Variants in PCDH15 observed in about 807,000 individuals in gnomAD.
PCDH15 encodes protocadherin related 15.
In PCDH15, 129 loss-of-function variants were observed where a neutral mutation model predicts 178.5. The observed-to-expected ratio is 0.72, with a 90% confidence interval of 0.63 to 0.84. The LOEUF (loss-of-function observed/expected upper bound fraction) is 0.84. Ranked by LOEUF, PCDH15 falls within the 40% of genes least tolerant of loss-of-function variation. The probability of loss-of-function intolerance (pLI) is 0.00; values close to 1 mark genes in which losing one functional copy is unlikely to be tolerated. For missense variants in PCDH15, 2,230 were observed against 2,099.9 expected, an observed-to-expected ratio of 1.06 and a Z score of -1.21; for synonymous variants, 800 against 732.0, an observed-to-expected ratio of 1.09 and a Z score of -1.50.
chr10:54,011,263 T>A (rs552600146), intron 20 of PCDH15, among the ~76,000 whole-genome samples: 1 of 152,240 alleles, frequency 6.6e-6, no homozygotes, highest in East Asian at 1.9e-4. Flanking sequence ...AGACCCTGAG[T>A]GCTTTAGCCA....
At chr10:54,700,712 G>A (rs2095298281) in intron 1 of PCDH15, among the ~76,000 whole-genome samples, 2 of 152,082 alleles carry the variant, frequency 1.3e-5, no homozygotes, top group South Asian at 2.1e-4. Flanking sequence ...ATGGGATTAT[G>A]TAAAAAGACC....
At chr10:54,773,275 T>G (rs185660537) in intron 1 of PCDH15, among the ~76,000 whole-genome samples, 274 of 152,260 alleles carry the variant, frequency 1.8e-3, no homozygotes, top group African/African-American at 6.2e-3. Flanking sequence ...TTTTTTTTCT[T>G]AGAGGGAGAA....
chr10:55,147,952 T>C (rs376153281), intron 2 of PCDH15, among the ~76,000 whole-genome samples: 1 of 151,866 alleles, frequency 6.6e-6, no homozygotes, highest in East Asian at 1.9e-4. Context: ...TCAGTAGTAA[T>C]TACTGCTTTC....
At chr10:54,655,292 G>C (rs200463442) in intron 2 of PCDH15, among the ~76,000 whole-genome samples, 179 of 121,126 alleles carry the variant, frequency 1.5e-3, no homozygotes, top group African/African-American at 2.5e-3. Context: ...GAGAGAGAGA[G>C]AGAGAGAGAG....
chr10:54,141,190 G>T (rs1054077431), intron 14 of PCDH15, among the ~76,000 whole-genome samples: 1 of 151,690 alleles, frequency 6.6e-6, no homozygotes, highest in African/African-American at 2.4e-5. Context: ...TAGTCATTTT[G>T]TTTTCTATGT....
At chr10:53,840,738 G>C (rs947183521) in intron 28 of PCDH15, among the ~76,000 whole-genome samples, 3 of 152,096 alleles carry the variant, frequency 2.0e-5, no homozygotes, top group Non-Finnish European at 2.9e-5. Flanking sequence ...TTTAACTTTA[G>C]GCTTTTTGAA....
At chr10:53,894,853 A>G (rs2610823) in intron 26 of PCDH15, among the ~76,000 whole-genome samples, 103,988 of 152,058 alleles carry the variant, frequency 0.68, 35,964 homozygotes, top group East Asian at 0.87. Context: ...AAAGTCTCAC[A>G]GAGAGATAAG....
At chr10:54,622,717 AATATATATTATATAATTAT>A (rs2093421527) in intron 2 of PCDH15, among the ~76,000 whole-genome samples, 2 of 31,874 alleles carry the variant, frequency 6.3e-5, no homozygotes, top group South Asian at 7.5e-4. Context: ...TATTATATAT[AATATATATTATATAATTAT>A]ATATATATTA....
In PCDH15 at chr10:53,990,314, A is replaced by T. The variant is rs147926186; in HGVS notation, c.2868+5335T>A. On this transcript the variant is annotated intron_variant, in intron 21 of 37. Transcript: ENST00000644397. ...GGAAATAAAATACTTCACAGTTGTA[A>T]TGATTTTCTCTTTATATATATACTT... Among the ~76,000 whole-genome samples the T allele has an allele frequency of 4.6e-3, 705 of 152,134 alleles. 10 individuals carry two copies. The highest frequency in any genetic ancestry group is 0.016 in the African/African-American group (674 of 41,488).
intron 2 of PCDH15, among the ~76,000 whole-genome samples, chr10:55,385,693 C>CTATATATATATA (rs57143868): frequency 7.2e-4 from 93 of 128,720 alleles, no homozygotes; most frequent in Non-Finnish European, 1.2e-3. Flanking sequence ...CTTCCTCTGC[C>CTATATATATATA]TATATATATA....
intron 1 of PCDH15, among the ~76,000 whole-genome samples, chr10:55,247,436 T>C (rs1023645438): frequency 6.6e-6 from 1 of 152,172 alleles, no homozygotes; most frequent in African/African-American, 2.4e-5. Context: ...TCTCTGTCCA[T>C]TTATACTCTG....
chr10:54,233,457 T>C (rs1170217524), intron 9 of PCDH15, among the ~76,000 whole-genome samples: 4 of 152,362 alleles, frequency 2.6e-5, no homozygotes, highest in East Asian at 1.9e-4. Flanking sequence ...TCCTTCATTA[T>C]AATTTCTAAT....
chr10:54,560,855 T>C (rs542468195), intron 2 of PCDH15, among the ~76,000 whole-genome samples: 35 of 152,212 alleles, frequency 2.3e-4, no homozygotes, highest in African/African-American at 5.1e-4. Flanking sequence ...TTTTTCAAAA[T>C]TGATTCACAT....
chr10:54,707,645 C>T (rs1414192214), intron 1 of PCDH15, among the ~76,000 whole-genome samples: 1 of 152,132 alleles, frequency 6.6e-6, no homozygotes, highest in Non-Finnish European at 1.5e-5. Flanking sequence ...CAAAATAATA[C>T]AAGGTCTTTC....
intron 5 of PCDH15, among the ~76,000 whole-genome samples, chr10:54,358,166 G>A (rs1160336642): frequency 6.8e-6 from 1 of 147,406 alleles, no homozygotes; most frequent in African/African-American, 2.6e-5. Flanking sequence ...TTGACAAATG[G>A]GATCTAATTA....
At chr10:54,786,734 G>A (rs1950910793) in intron 1 of PCDH15, among the ~76,000 whole-genome samples, 1 of 151,784 alleles carries the variant, frequency 6.6e-6, no homozygotes, top group Non-Finnish European at 1.5e-5. Flanking sequence ...ACAAACCGTA[G>A]TTTCTTATCA....
chr10:55,119,778 A>T (rs888670670), intron 2 of PCDH15, among the ~76,000 whole-genome samples: 1 of 152,220 alleles, frequency 6.6e-6, no homozygotes, highest in Non-Finnish European at 1.5e-5. Context: ...ACTTGAAAAT[A>T]AATGAAAGCT....
At chr10:54,619,690 C>T (rs567063383) in intron 2 of PCDH15, among the ~76,000 whole-genome samples, 355 of 152,168 alleles carry the variant, frequency 2.3e-3, no homozygotes, top group African/African-American at 8.1e-3. Context: ...TCCACCATTA[C>T]TGCTATACTC....
chr10:55,330,296 C>T (rs1180451921), intron 2 of PCDH15, among the ~76,000 whole-genome samples: 1 of 151,642 alleles, frequency 6.6e-6, no homozygotes, highest in Admixed American at 6.6e-5. Context: ...ATATATTTGC[C>T]TCGCTTTTGA....
Sources: allele counts gnomAD v4.1 joint callset (sites outside exome capture counted in the v4.1 genomes callset), GRCh38; gene constraint gnomAD v4.1.1; transcripts MANE v1.5; gene names NCBI Gene and HGNC (gene_info 2026-07-23, HGNC 2026-07-21).